PDGFD: variants seen among roughly 807,000 people sequenced by gnomAD.
PDGFD encodes the protein platelet-derived growth factor D.
In PDGFD, 30 loss-of-function variants were observed where a neutral mutation model predicts 44.7. That is an observed-to-expected ratio of 0.67 (90% CI 0.50 to 0.91). The LOEUF (loss-of-function observed/expected upper bound fraction) is 0.91. Ranked by LOEUF, PDGFD falls within the 40% of genes least tolerant of loss-of-function variation. The pLI, the probability that PDGFD is intolerant of heterozygous loss-of-function variation, is 0.00. For missense variants in PDGFD, 445 were observed against 457.8 expected (o/e 0.97, Z 0.25); for synonymous variants, 173 against 168.4 (o/e 1.03, Z -0.21).
chr11:104,109,743 C>T (rs776501091), intron 1 of PDGFD, among the ~76,000 whole-genome samples: 1 of 151,682 alleles, frequency 6.6e-6, no homozygotes, highest in Non-Finnish European at 1.5e-5. Flanking sequence ...TAGAAAGCCA[C>T]GGAGAACTAT....
intron 3 of PDGFD, among the ~76,000 whole-genome samples, chr11:103,948,971 G>A (rs548352205): frequency 4.5e-5 from 5 of 112,070 alleles, no homozygotes; most frequent in African/African-American, 8.0e-5. Flanking sequence ...GAAAGAAACC[G>A]ACTAGACATC....
intron 3 of PDGFD, among the ~76,000 whole-genome samples, chr11:103,957,134 A>T (rs1028534486): frequency 1.3e-5 from 2 of 152,092 alleles, no homozygotes; most frequent in African/African-American, 4.8e-5. Context: ...GTCCTTGCCC[A>T]TGCCTATGTC....
chr11:104,083,301 G>T (rs752827990), intron 1 of PDGFD, among the ~76,000 whole-genome samples: 5 of 152,062 alleles, frequency 3.3e-5, no homozygotes, highest in Admixed American at 6.6e-5. Context: ...CCCAAAGGTG[G>T]GAAAAAGCTA....
At chr11:103,992,400 G>A (rs1859470489) in intron 3 of PDGFD, among the ~76,000 whole-genome samples, 1 of 152,160 alleles carries the variant, frequency 6.6e-6, no homozygotes, top group Admixed American at 6.5e-5. Flanking sequence ...TAGAATTATT[G>A]TCATCATTTA....
At chr11:104,009,582 A>C (rs1859753282) in intron 1 of PDGFD, among the ~76,000 whole-genome samples, 1 of 152,090 alleles carries the variant, frequency 6.6e-6, no homozygotes, top group South Asian at 2.1e-4. Context: ...TTGTTGAAGC[A>C]GCAAAAAAGA....
intron 1 of PDGFD, chr11:104,036,692 A>G: frequency 1.4e-6 from 1 of 715,792 alleles, no homozygotes; most frequent in Non-Finnish European, 2.4e-6. Flanking sequence ...CCTCTCTGAG[A>G]GGTGAATGAG....
At chr11:103,941,669 G>T (rs542301515) in intron 5 of PDGFD, among the ~76,000 whole-genome samples, 6 of 151,930 alleles carry the variant, frequency 3.9e-5, no homozygotes, top group Non-Finnish European at 7.4e-5. Flanking sequence ...GTTAGAATTT[G>T]AATCCAGGCC....
At chr11:103,996,740 G>A (rs937621239) in intron 2 of PDGFD, among the ~76,000 whole-genome samples, 4 of 152,142 alleles carry the variant, frequency 2.6e-5, no homozygotes, top group African/African-American at 9.7e-5. Context: ...GAAAATAAAT[G>A]AATACACACG....
At chr11:103,949,935 G>GT (rs1006053123) in intron 3 of PDGFD, among the ~76,000 whole-genome samples, 1 of 152,102 alleles carries the variant, frequency 6.6e-6, no homozygotes, top group African/African-American at 2.4e-5. Flanking sequence ...CTTAGACAAG[G>GT]TGAGGAAAGT....
intron 3 of PDGFD, among the ~76,000 whole-genome samples, chr11:103,958,153 T>G (rs1344254295): frequency 6.6e-6 from 1 of 152,106 alleles, no homozygotes; most frequent in Non-Finnish European, 1.5e-5. Context: ...CCATAAATTA[T>G]CTCATTCATC....
chr11:103,970,319 C>T (rs189543163), intron 3 of PDGFD, among the ~76,000 whole-genome samples: 80 of 152,178 alleles, frequency 5.3e-4, no homozygotes, highest in Non-Finnish European at 1.0e-3. Context: ...GCCATGACTT[C>T]TTTGTTATCA....
chr11:104,015,619 A>G (rs1859849708), intron 1 of PDGFD, among the ~76,000 whole-genome samples: 1 of 152,208 alleles, frequency 6.6e-6, no homozygotes, highest in Non-Finnish European at 1.5e-5. Flanking sequence ...TCTAGCCTAC[A>G]TATGTCTTTA....
chr11:104,002,509 A>G lies in PDGFD; in HGVS notation c.125-2254T>C, dbSNP rs112326601. On this transcript the variant is annotated intron_variant, in intron 1 of 6. Coordinates refer to ENST00000393158, the MANE Select transcript of PDGFD (RefSeq NM_025208.5). ...GATTGTAAGTTTCCCAAGGGCTCCTATGCCATATGGAACTGTGAGCCAATT... is the reference window on the plus strand; with the variant it reads ...GATTGTAAGTTTCCCAAGGGCTCCTGTGCCATATGGAACTGTGAGCCAATT... Among the ~76,000 whole-genome samples the G allele has an allele frequency of 6.3e-3, 953 of 152,248 alleles. 14 individuals are homozygous for G. Among genetic ancestry groups the G allele is most frequent in the African/African-American group, 0.022 (896 of 41,548 alleles).
intron 1 of PDGFD, among the ~76,000 whole-genome samples, chr11:104,011,105 A>G (rs1313900728): frequency 6.6e-6 from 1 of 152,124 alleles, no homozygotes; most frequent in Admixed American, 6.5e-5. Flanking sequence ...ATTTTCTCAG[A>G]GTAACTTTAA....
In PDGFD at chr11:103,992,255, AAC is replaced by A. The variant is rs1380576759; in HGVS notation, c.510+3808_510+3809del. ...TTCCCAAGAAAGGGTCATTTCAACA[AAC>A]ACACGGTCTAGCCATGTATAAGGCA... On this transcript the variant is annotated intron_variant, in intron 3 of 6. Transcript: ENST00000393158. Among the ~76,000 whole-genome samples, 18 of 152,274 alleles carry A rather than the reference AAC, an allele frequency of 1.2e-4. No individual in the cohort carries two copies. The South Asian group carries it at 3.1e-3, about 26-fold the overall frequency.
intron 1 of PDGFD, among the ~76,000 whole-genome samples, chr11:104,144,149 TA>T: frequency 6.6e-6 from 1 of 152,164 alleles, no homozygotes; most frequent in African/African-American, 2.4e-5. Flanking sequence ...AGACTATAAA[TA>T]AAATAAAAAG....
intron 3 of PDGFD, among the ~76,000 whole-genome samples, chr11:103,960,066 A>G (rs2134336266): frequency 6.6e-6 from 1 of 152,338 alleles, no homozygotes; most frequent in East Asian, 1.9e-4. Context: ...TTGCACAGCA[A>G]AATTTTAATC....
At chr11:103,995,035 A>T (rs1487330651) in intron 3 of PDGFD, among the ~76,000 whole-genome samples, 1 of 151,786 alleles carries the variant, frequency 6.6e-6, no homozygotes, top group Non-Finnish European at 1.5e-5. Context: ...CACACCACTA[A>T]ACCAAGCAAA....
At chr11:104,121,436 G>C (rs574481789) in intron 1 of PDGFD, among the ~76,000 whole-genome samples, 2 of 151,926 alleles carry the variant, frequency 1.3e-5, no homozygotes, top group Non-Finnish European at 2.9e-5. Context: ...ATATCATAGA[G>C]GTCAACTGGT....
Sources: allele counts gnomAD v4.1 joint callset (sites outside exome capture counted in the v4.1 genomes callset), GRCh38; gene constraint gnomAD v4.1.1; transcripts MANE v1.5; gene names NCBI Gene and HGNC (gene_info 2026-07-23, HGNC 2026-07-21).